Variants in UGP2 observed in about 807,000 individuals in gnomAD.
UGP2 encodes UDP-glucose pyrophosphorylase 2, also known as UTP--glucose-1-phosphate uridylyltransferase.
A neutral mutation model predicts 49.0 loss-of-function variants in UGP2; 40 were observed. That is an observed-to-expected ratio of 0.82 (90% CI 0.63 to 1.06). UGP2 has a LOEUF of 1.06. Among genes scored for constraint, UGP2 ranks in the 50% least tolerant of loss-of-function variants. UGP2 has a pLI of 0.00. For synonymous variants in UGP2, 225 were observed against 213.0 expected, an observed-to-expected ratio of 1.06 and a Z score of -0.49; for missense variants, 460 against 603.5, an observed-to-expected ratio of 0.76 and a Z score of 2.49.
In UGP2 at chr2:63,856,447, TAC is replaced by T; in HGVS notation, c.147+16_147+17del. ...CATGAATTTGAGGTAAGGAGGTTTCTACAGTGTTCCACCCCCCCGCCCCTCCC... is the reference window on the plus strand; with the variant it reads ...CATGAATTTGAGGTAAGGAGGTTTCTAGTGTTCCACCCCCCCGCCCCTCCC... On this transcript the variant is annotated intron_variant, in intron 2 of 9. Transcript: ENST00000337130. 4 of 1,606,792 alleles carry T rather than the reference TAC, an allele frequency of 2.5e-6. No individual in the cohort carries two copies. Among genetic ancestry groups the T allele is most frequent in the Non-Finnish European group, 3.4e-6 (4 of 1,179,068 alleles).
At chr2:63,855,716 A>AT in intron 1 of UGP2, 4 of 422,438 alleles carry the variant, frequency 9.5e-6, no homozygotes, top group East Asian at 7.9e-5. Flanking sequence ...TAATTTTTGT[A>AT]TTTTTTGTAG....
At chr2:63,845,118 A>T (rs1005395871) in intron 1 of UGP2, among the ~76,000 whole-genome samples, 1 of 152,226 alleles carries the variant, frequency 6.6e-6, no homozygotes, top group African/African-American at 2.4e-5. Flanking sequence ...AGCTTATCTT[A>T]CATTTTTGGT....
Position 63,841,986 on chromosome 2 carries a change from G to A in UGP2, c.-200G>A. Reference sequence around the variant, plus strand: ...CCAAGTTTCCGTCTTTTGGAATTGGGGAAGGAGTTTCTTTCTTTCTTTTCT... The same window carrying A: ...CCAAGTTTCCGTCTTTTGGAATTGGAGAAGGAGTTTCTTTCTTTCTTTTCT... On this transcript the variant is annotated 5_prime_UTR_variant, in exon 1 of 10. Transcript: ENST00000337130. The A allele has an allele frequency of 3.4e-6, 2 of 593,184 alleles. No individual in the cohort carries two copies. The highest frequency in any genetic ancestry group is 5.2e-6 in the Non-Finnish European group (2 of 386,678). The allele number at this position is 593,184 out of a possible 1,614,324, so 36.7% of individuals were successfully genotyped here. A position where few individuals can be genotyped will look rare whatever the true frequency, so the allele number is the denominator to read the frequency against.
intron 3 of UGP2, among the ~76,000 whole-genome samples, chr2:63,872,307 A>G (rs1670611200): frequency 6.6e-6 from 1 of 152,246 alleles, no homozygotes; most frequent in Non-Finnish European, 1.5e-5. Flanking sequence ...AATTAATTGT[A>G]AGAACCTATT....
chr2:63,872,809 T>A (rs76511824), intron 3 of UGP2, among the ~76,000 whole-genome samples: 23,187 of 150,952 alleles, frequency 0.15, 2,314 homozygotes, highest in Middle Eastern at 0.26. Flanking sequence ...AAAAAAAAGA[T>A]TTATGAACCT....
At chr2:63,843,694 C>CT in intron 1 of UGP2, among the ~76,000 whole-genome samples, 1 of 152,210 alleles carries the variant, frequency 6.6e-6, no homozygotes, top group East Asian at 1.9e-4. Context: ...TTGTCATCCA[C>CT]TTTTTTTAAA....
At chr2:63,887,950 T>G (rs1247842295) in intron 8 of UGP2, 6 of 302,366 alleles carry the variant, frequency 2.0e-5, no homozygotes, top group Non-Finnish European at 3.1e-5. Context: ...TAACAAATAC[T>G]TATTGAATGC....
At chr2:63,869,627 G>A (rs1041744647) in intron 3 of UGP2, among the ~76,000 whole-genome samples, 3 of 152,150 alleles carry the variant, frequency 2.0e-5, no homozygotes, top group East Asian at 3.9e-4. Context: ...TCACAAATAC[G>A]TGGTTTTTGC....
chr2:63,849,572 A>AATTC (rs1396597573), intron 1 of UGP2, among the ~76,000 whole-genome samples: 1 of 152,236 alleles, frequency 6.6e-6, no homozygotes, highest in East Asian at 1.9e-4. Flanking sequence ...GGAAGAGTTG[A>AATTC]AGAGCATGAG....
intron 3 of UGP2, among the ~76,000 whole-genome samples, chr2:63,864,332 T>C (rs967316417): frequency 6.6e-6 from 1 of 152,134 alleles, no homozygotes; most frequent in Non-Finnish European, 1.5e-5. Flanking sequence ...CCTGGTTCTT[T>C]GGTATCCTGT....
intron 1 of UGP2, among the ~76,000 whole-genome samples, chr2:63,847,299 G>A (rs2104245522): frequency 6.6e-6 from 1 of 152,248 alleles, no homozygotes; most frequent in Admixed American, 6.5e-5. Context: ...TTGTTGGTAT[G>A]TATTATTTTT....
rs1356768880 is a variant in UGP2 at position 63,885,690 on chromosome 2, T to C, written c.677T>C (p.Ile226Thr). ...EAWYPPGHGD[I>T]YASFYNSGLL... is the part of the protein sequence containing the mutation. Reference sequence around the variant, plus strand: ...TGGTACCCTCCAGGTCATGGTGATATTTACGCCAGTTTCTACAACTCTGGA... The same window carrying C: ...TGGTACCCTCCAGGTCATGGTGATACTTACGCCAGTTTCTACAACTCTGGA... The change falls in exon 6 of 10, where the codon ATT (isoleucine) becomes ACT (threonine). Residue 226 changes from isoleucine to threonine, a missense_variant. Physicochemically the swap from Ile to Thr is moderately conservative, Grantham distance 89. This residue lies in a region of UGP2 where 317 missense variants were observed against 473.0 expected (regional missense o/e 0.67). Coordinates refer to ENST00000337130, the MANE Select transcript of UGP2 (RefSeq NM_006759.4). The C allele has an allele frequency of 6.2e-7, 1 of 1,614,024 alleles. No homozygotes were observed. The highest frequency in any genetic ancestry group is 8.5e-7 in the Non-Finnish European group (1 of 1,179,952).
intron 2 of UGP2, 107 bp downstream of exon 2, chr2:63,856,540 G>T (rs1669443146): frequency 1.5e-6 from 2 of 1,309,436 alleles, no homozygotes; most frequent in African/African-American, 3.1e-5. Context: ...ATCAGCACAA[G>T]ATGTACGATA....
intron 5 of UGP2, 104 bp from the exon 6 acceptor site, chr2:63,885,485 T>G: frequency 1.1e-6 from 1 of 949,586 alleles, no homozygotes; most frequent in Non-Finnish European, 1.5e-6. Context: ...TGATAGACTC[T>G]GAAAAGAAGT....
chr2:63,842,453 G>A, intron 1 of UGP2: 1 of 1,546,518 alleles, frequency 6.5e-7, no homozygotes, highest in South Asian at 1.2e-5. Flanking sequence ...TAGTACCGTC[G>A]CTTTCCTGGA....
chr2:63,849,886 A>G (rs1442547571), intron 1 of UGP2, among the ~76,000 whole-genome samples: 1 of 152,218 alleles, frequency 6.6e-6, no homozygotes, highest in Non-Finnish European at 1.5e-5. Context: ...TAAGCATAAA[A>G]GTTTCTCTAA....
In UGP2 at chr2:63,868,150, A is replaced by G. The variant is rs147613357; in HGVS notation, c.255+10214A>G. ...GAGGTAGGCCTTGTCTTAGAGGACT[A>G]TTGTAGCTATTAAAATAATTAAGTA... On this transcript the variant is annotated intron_variant, in intron 3 of 9. Transcript: ENST00000337130. Among the ~76,000 whole-genome samples, 750 of 152,312 alleles carry G rather than the reference A, an allele frequency of 4.9e-3. 3 individuals carry two copies. The highest frequency in any genetic ancestry group is 0.017 in the African/African-American group (704 of 41,558).
intron 3 of UGP2, among the ~76,000 whole-genome samples, chr2:63,877,022 C>G (rs905317203): frequency 1.3e-5 from 2 of 152,222 alleles, no homozygotes; most frequent in Non-Finnish European, 1.5e-5. Flanking sequence ...GAATCTATAT[C>G]ACCATCATAG....
At chr2:63,867,517 C>T (rs901523533) in intron 3 of UGP2, among the ~76,000 whole-genome samples, 3 of 152,144 alleles carry the variant, frequency 2.0e-5, no homozygotes, top group Non-Finnish European at 4.4e-5. Flanking sequence ...AGGATGCTAT[C>T]GTTACACATT....
Sources: gnomAD v4.1 joint callset for allele counts (sites outside exome capture counted in the v4.1 genomes callset) on GRCh38, gnomAD v4.1.1 for gene constraint, gnomAD v4.1.1 regional missense constraint, MANE v1.5 for transcripts, NCBI Gene and HGNC (gene_info 2026-07-23, HGNC 2026-07-21) for gene names.